PDE1C: variants seen among roughly 807,000 people sequenced by gnomAD.
The protein encoded by PDE1C is dual specificity calcium/calmodulin-dependent 3',5'-cyclic nucleotide phosphodiesterase 1C.
A neutral mutation model predicts 93.1 loss-of-function variants in PDE1C; 62 were observed. That is an observed-to-expected ratio of 0.67 (90% CI 0.54 to 0.82). The LOEUF is 0.82. PDE1C is among the 40% of genes least tolerant of loss of function. The pLI is 0.00. For missense variants in PDE1C, 742 were observed against 884.6 expected, an observed-to-expected ratio of 0.84 and a Z score of 2.04; for synonymous variants, 325 against 310.1, an observed-to-expected ratio of 1.05 and a Z score of -0.50.
At chr7:31,641,310 C>T in the PDE1C span, among the ~76,000 whole-genome samples, 109,131 of 151,988 alleles carry the variant, frequency 0.72, 39,836 homozygotes, top group East Asian at 0.84. Flanking sequence ...AACTGTTTCC[C>T]CTTAATTCAC....
At chr7:32,369,151 A>G (rs147277901) in intron 1 of PDE1C, among the ~76,000 whole-genome samples, 2,073 of 152,332 alleles carry the variant, frequency 0.014, 32 homozygotes, top group Middle Eastern at 0.041. Context: ...ATGGGATTGT[A>G]TCAAACTAAA....
In PDE1C at chr7:31,809,067, G is replaced by T; in HGVS notation, c.1855C>A (p.His619Asn). The change falls in exon 16 of 18, where the codon CAC becomes AAC. Residue 619 changes from histidine to asparagine, a missense_variant. Physicochemically the swap from His to Asn is moderately conservative, Grantham distance 68 (BLOSUM62 1). Transcript: ENST00000396191. ...TTTGAATCATTTCCGATGTTAGAGT[G>T]ATCCTTCTTGTCTGTCTTATTTTTA... Reference protein sequence around the residue: ...DGKNKTDKKDHSNIGNDSKKT... With the variant: ...DGKNKTDKKDNSNIGNDSKKT... 6.3e-7 allele frequency: 1 copy of T among 1,593,780 alleles called. No homozygotes were observed.
At chr7:31,873,236 G>C (rs1796152676) in intron 6 of PDE1C, 56 bp downstream of exon 6, 1 of 1,043,346 alleles carries the variant, frequency 9.6e-7, no homozygotes. Context: ...AAAGTCATAT[G>C]AGGATAAACA....
chr7:31,831,768 G>A (rs1404634509), intron 11 of PDE1C, among the ~76,000 whole-genome samples: 1 of 151,448 alleles, frequency 6.6e-6, no homozygotes, highest in Non-Finnish European at 1.5e-5. Flanking sequence ...AAGATGGAGG[G>A]GAAGAAGAAA....
chr7:32,350,199 T>C (rs1452839242), intron 1 of PDE1C, among the ~76,000 whole-genome samples: 3 of 152,200 alleles, frequency 2.0e-5, no homozygotes, highest in Non-Finnish European at 4.4e-5. Flanking sequence ...GCCATTTAGC[T>C]ATTCCCAGCA....
intron 2 of PDE1C, among the ~76,000 whole-genome samples, chr7:31,936,871 A>T (rs888273577): frequency 6.6e-6 from 1 of 152,128 alleles, no homozygotes; most frequent in Non-Finnish European, 1.5e-5. Context: ...GGTCCTGAGA[A>T]TATGTGCACA....
the PDE1C span, among the ~76,000 whole-genome samples, chr7:31,624,402 T>A: frequency 1.3e-4 from 18 of 141,900 alleles, no homozygotes; most frequent in East Asian, 3.7e-3. Flanking sequence ...CAAAACAGCA[T>A]GGTACTGGTA....
At chr7:31,892,913 A>G (rs1381385552) in intron 2 of PDE1C, among the ~76,000 whole-genome samples, 1 of 152,184 alleles carries the variant, frequency 6.6e-6, no homozygotes, top group African/African-American at 2.4e-5. Context: ...GTAGATTTTA[A>G]ATGTTCTCAC....
At chr7:32,377,999 T>A (rs935548298) in intron 1 of PDE1C, among the ~76,000 whole-genome samples, 2 of 152,194 alleles carry the variant, frequency 1.3e-5, no homozygotes, top group African/African-American at 4.8e-5. Flanking sequence ...AGACTATTTC[T>A]GGAAGGGAGG....
At chr7:31,629,025 T>A in the PDE1C span, among the ~76,000 whole-genome samples, 2 of 152,104 alleles carry the variant, frequency 1.3e-5, no homozygotes, top group African/African-American at 4.8e-5. Context: ...TCCAAAAAAA[T>A]TGGCGTTACA....
At chr7:31,618,162 T>G in the PDE1C span, among the ~76,000 whole-genome samples, 6,677 of 152,264 alleles carry the variant, frequency 0.044, 232 homozygotes, top group South Asian at 0.089. Context: ...GTCACCCAGA[T>G]CAAAGGTGTG....
chr7:31,677,585 A>G, the PDE1C span, among the ~76,000 whole-genome samples: 1 of 152,176 alleles, frequency 6.6e-6, no homozygotes, highest in African/African-American at 2.4e-5. Context: ...TATTTGATAA[A>G]ATTCAAAACT....
chr7:31,789,874 C>A, intron 16 of PDE1C: 1 of 1,043,744 alleles, frequency 9.6e-7, no homozygotes, highest in African/African-American at 1.7e-5. Flanking sequence ...AGGCCTCTCC[C>A]AGCATATCCA....
At position 31,815,956 on chromosome 7, in the gene PDE1C, G is replaced by GCTT; in HGVS notation, c.1778_1780dup (p.Lys593_Ala594insGlu). Reference sequence around the variant, plus strand: ...TTGCTGTTCTCCTGATGACTTCTCGGCTTTGGAGTTTTTCCCACGAGGGTT... The same window carrying GCTT: ...TTGCTGTTCTCCTGATGACTTCTCGGCTTCTTTGGAGTTTTTCCCACGAGGGTT... On this transcript the variant is annotated inframe_insertion, in exon 15 of 18. Transcript: ENST00000396191. 6.2e-7 allele frequency: 1 copy of GCTT among 1,613,796 alleles called. No homozygotes were observed. The highest frequency in any genetic ancestry group is 1.3e-5 in the African/African-American group (1 of 75,000).
chr7:32,018,976 C>G (rs1278773988), intron 2 of PDE1C, among the ~76,000 whole-genome samples: 1 of 151,854 alleles, frequency 6.6e-6, no homozygotes, highest in Non-Finnish European at 1.5e-5. Context: ...ATGGAGGATA[C>G]AGTCATGTTG....
intron 1 of PDE1C, among the ~76,000 whole-genome samples, chr7:32,258,294 T>C (rs1809951804): frequency 1.3e-5 from 2 of 152,226 alleles, no homozygotes; most frequent in South Asian, 4.1e-4. Flanking sequence ...CGGAATTAAC[T>C]TATATCCTAG....
At chr7:32,162,713 G>C (rs1452483013) in intron 3 of PDE1C, among the ~76,000 whole-genome samples, 1 of 152,044 alleles carries the variant, frequency 6.6e-6, no homozygotes, top group South Asian at 2.1e-4. Context: ...GGTTCCTCTG[G>C]GATGCACAGC....
intron 2 of PDE1C, among the ~76,000 whole-genome samples, chr7:31,977,604 A>C (rs1309745313): frequency 6.6e-6 from 1 of 152,094 alleles, no homozygotes; most frequent in Non-Finnish European, 1.5e-5. Context: ...ATTCTACCTG[A>C]CCCAAATTAC....
intron 1 of PDE1C, among the ~76,000 whole-genome samples, chr7:32,271,944 ACC>A (rs1810996144): frequency 6.6e-6 from 1 of 152,150 alleles, no homozygotes; most frequent in African/African-American, 2.4e-5. Context: ...GGGTGTTGCA[ACC>A]CGTTTTTTCT....
Sources: gnomAD v4.1 joint callset for allele counts (sites outside exome capture counted in the v4.1 genomes callset) on GRCh38, gnomAD v4.1.1 for gene constraint, MANE v1.5 for transcripts, NCBI Gene and HGNC (gene_info 2026-07-23, HGNC 2026-07-21) for gene names.